Variants in MAGI1 observed in about 807,000 individuals in gnomAD.
The protein encoded by MAGI1 is membrane associated guanylate kinase, WW and PDZ domain containing 1, also known as membrane-associated guanylate kinase, WW and PDZ domain-containing protein 1.
In MAGI1, 58 loss-of-function variants were observed where a neutral mutation model predicts 139.9. The observed-to-expected ratio is 0.41, with a 90% confidence interval of 0.34 to 0.52. The LOEUF is 0.52. MAGI1 is among the 20% of genes least tolerant of loss of function. The probability of loss-of-function intolerance (pLI) is 0.12; values close to 1 mark genes in which losing one functional copy is unlikely to be tolerated. For synonymous variants in MAGI1, 812 were observed against 737.9 expected (o/e 1.10, Z -1.63); for missense variants, 1,874 against 1,901.6 (o/e 0.99, Z 0.27).
At chr3:65,686,690 C>G (rs1297593517) in intron 1 of MAGI1, among the ~76,000 whole-genome samples, 2 of 152,168 alleles carry the variant, frequency 1.3e-5, no homozygotes, top group Non-Finnish European at 2.9e-5. Context: ...ATGAATTATG[C>G]TATGGCATGC....
chr3:65,407,062 T>G (rs76399337), intron 12 of MAGI1, among the ~76,000 whole-genome samples: 1,569 of 152,268 alleles, frequency 0.01, 25 homozygotes, highest in East Asian at 0.058. Flanking sequence ...CTCAGTAAAC[T>G]GATCATTAGG....
intron 1 of MAGI1, among the ~76,000 whole-genome samples, chr3:65,968,054 C>G (rs573100891): frequency 6.6e-6 from 1 of 152,190 alleles, no homozygotes; most frequent in Admixed American, 6.5e-5. Context: ...GAAAGCCTGA[C>G]AGCTTCTAGA....
At chr3:65,650,810 A>G (rs7633294) in intron 1 of MAGI1, among the ~76,000 whole-genome samples, 106,856 of 152,066 alleles carry the variant, frequency 0.7, 38,367 homozygotes, top group African/African-American at 0.75. Flanking sequence ...CCCAGGTGAT[A>G]AGAATGCAAT....
intron 4 of MAGI1, among the ~76,000 whole-genome samples, chr3:65,472,952 T>C (rs1239290191): frequency 6.6e-6 from 1 of 152,206 alleles, no homozygotes; most frequent in Non-Finnish European, 1.5e-5. Context: ...AGCCACACTA[T>C]CCGAGTTTGA....
At chr3:65,357,254 G>A (rs1940264614) in intron 22 of MAGI1, 122 bp from the exon 23 acceptor site, 1 of 998,092 alleles carries the variant, frequency 1.0e-6, no homozygotes, top group East Asian at 2.6e-5. Context: ...AAAGCAGTCA[G>A]ACTCAAAGCC....
chr3:65,381,653 C>T (rs1225425375), intron 16 of MAGI1, among the ~76,000 whole-genome samples: 1 of 152,134 alleles, frequency 6.6e-6, no homozygotes, highest in Non-Finnish European at 1.5e-5. Context: ...TAGCCTTCCT[C>T]TGGAAGCCTT....
chr3:65,995,988 A>G (rs1296048597), intron 1 of MAGI1, among the ~76,000 whole-genome samples: 1 of 152,046 alleles, frequency 6.6e-6, no homozygotes, highest in Non-Finnish European at 1.5e-5. Flanking sequence ...ACAGAGAAAG[A>G]CCCTTTCTCA....
intron 13 of MAGI1, among the ~76,000 whole-genome samples, chr3:65,395,564 A>G (rs1372715669): frequency 3.5e-5 from 5 of 143,476 alleles, no homozygotes; most frequent in Non-Finnish European, 7.6e-5. Flanking sequence ...ATCGCTTGGA[A>G]AGGTGGAGCT....
intron 2 of MAGI1, among the ~76,000 whole-genome samples, chr3:65,555,075 G>A (rs1299729522): frequency 1.3e-5 from 2 of 152,176 alleles, no homozygotes; most frequent in African/African-American, 4.8e-5. Flanking sequence ...AGGGAAAGCT[G>A]AGAGGAGAAT....
intron 3 of MAGI1, among the ~76,000 whole-genome samples, chr3:65,490,830 C>A (rs370102353): frequency 2.9e-5 from 3 of 103,418 alleles, no homozygotes; most frequent in East Asian, 3.2e-4. Flanking sequence ...GGCGACAGAG[C>A]GAGACTCTGT....
chr3:65,896,287 G>A (rs2060965625), intron 1 of MAGI1, among the ~76,000 whole-genome samples: 1 of 149,512 alleles, frequency 6.7e-6, no homozygotes, highest in African/African-American at 2.5e-5. Context: ...ATCACTAACA[G>A]CAGTAATCAC....
chr3:65,417,406 C>A (rs1229213153), intron 12 of MAGI1, among the ~76,000 whole-genome samples: 2 of 152,016 alleles, frequency 1.3e-5, no homozygotes, highest in African/African-American at 2.4e-5. Flanking sequence ...AAATGGGAAA[C>A]ATTATCCAAA....
At chr3:65,362,294 C>A in intron 21 of MAGI1, among the ~76,000 whole-genome samples, 1 of 152,034 alleles carries the variant, frequency 6.6e-6, no homozygotes, top group East Asian at 1.9e-4. Context: ...AATAATATTT[C>A]ATTTGATTAA....
intron 1 of MAGI1, among the ~76,000 whole-genome samples, chr3:65,826,381 G>C (rs1293054700): frequency 1.3e-5 from 2 of 152,190 alleles, no homozygotes; most frequent in Non-Finnish European, 2.9e-5. Context: ...AAGTAGAAGG[G>C]AATATTATTT....
Position 65,363,552 on chromosome 3 carries a change from G to A in MAGI1, c.3408C>T (p.Ser1136=). 1 of 1,614,054 alleles carries A rather than the reference G, an allele frequency of 6.2e-7. No homozygotes were observed. Among genetic ancestry groups the A allele is most frequent in the Non-Finnish European group, 8.5e-7 (1 of 1,179,942 alleles). The part of the protein sequence containing the change: ...LERGAKGFGF[S]LRGGREYNMD... ...TGTTATACTCTCGGCCTCCTCGAAG[G>A]CTAAAGCCAAATCCCTTGGCTCCTC... Residue 1136 remains serine, a synonymous_variant, in exon 21 of 23, where the codon AGC becomes AGT. Coordinates refer to ENST00000402939, the MANE Select transcript of MAGI1 (RefSeq NM_001033057.2).
chr3:65,888,627 CACATATACACAAGT>C (rs2060622413), intron 1 of MAGI1, among the ~76,000 whole-genome samples: 1 of 152,106 alleles, frequency 6.6e-6, no homozygotes, highest in South Asian at 2.1e-4. Flanking sequence ...CTTAAACACA[CACATATACACAAGT>C]ACATACACAT....
chr3:65,410,446 G>A (rs1453861146), intron 12 of MAGI1, among the ~76,000 whole-genome samples: 5 of 152,122 alleles, frequency 3.3e-5, no homozygotes, highest in African/African-American at 1.2e-4. Flanking sequence ...CCAAGCCTGT[G>A]CTTTTAAACT....
chr3:65,368,030 AACTTTT>A (rs1297564698), intron 18 of MAGI1, among the ~76,000 whole-genome samples: 2 of 152,194 alleles, frequency 1.3e-5, no homozygotes, highest in African/African-American at 2.4e-5. Context: ...TGTTTTAATG[AACTTTT>A]ACTTCTTCAT....
chr3:65,576,217 A>G (rs2081169502), intron 2 of MAGI1, among the ~76,000 whole-genome samples: 1 of 152,196 alleles, frequency 6.6e-6, no homozygotes, highest in African/African-American at 2.4e-5. Flanking sequence ...TCTTGTTTCT[A>G]AATATCTAAT....
Sources: allele counts gnomAD v4.1 joint callset (sites outside exome capture counted in the v4.1 genomes callset), GRCh38; gene constraint gnomAD v4.1.1; transcripts MANE v1.5; gene names NCBI Gene and HGNC (gene_info 2026-07-23, HGNC 2026-07-21).